Variants in CDH18 observed in about 807,000 individuals in gnomAD.
CDH18 encodes the protein cadherin 18, also known as cadherin-18.
Under a neutral mutation model 67.9 loss-of-function variants are expected in CDH18, and 31 were observed. That is an observed-to-expected ratio of 0.46 (90% CI 0.34 to 0.62). The LOEUF is 0.62. Ranked by LOEUF, CDH18 falls within the 20% of genes least tolerant of loss-of-function variation. CDH18 has a pLI of 0.01. For missense variants in CDH18, 890 were observed against 975.5 expected (o/e 0.91, Z 1.17); for synonymous variants, 362 against 347.2 (o/e 1.04, Z -0.48).
At chr5:19,903,541 GTATATATA>G (rs112818883) in intron 2 of CDH18, among the ~76,000 whole-genome samples, 89 of 124,508 alleles carry the variant, frequency 7.1e-4, no homozygotes, top group Middle Eastern at 4.2e-3. Flanking sequence ...GTGTGTGTGT[GTATATATA>G]TATATATATA....
chr5:20,401,045 G>A (rs917664956), intron 1 of CDH18, among the ~76,000 whole-genome samples: 9 of 152,052 alleles, frequency 5.9e-5, no homozygotes, highest in African/African-American at 2.2e-4. Context: ...GTAAAATTCT[G>A]AGAAAAAGAA....
intron 2 of CDH18, among the ~76,000 whole-genome samples, chr5:20,170,866 C>T (rs1736648022): frequency 6.6e-6 from 1 of 152,096 alleles, no homozygotes; most frequent in Admixed American, 6.6e-5. Flanking sequence ...CCACACTCCA[C>T]TCTCTTGTAG....
At chr5:20,450,505 T>C (rs963676479) in intron 1 of CDH18, among the ~76,000 whole-genome samples, 1 of 152,192 alleles carries the variant, frequency 6.6e-6, no homozygotes, top group African/African-American at 2.4e-5. Flanking sequence ...TGCATTGTAA[T>C]GCATTTTCTA....
chr5:19,879,224 G>C (rs1003470820), intron 2 of CDH18, among the ~76,000 whole-genome samples: 3 of 151,834 alleles, frequency 2.0e-5, no homozygotes, highest in African/African-American at 7.3e-5. Context: ...ATTTTTATGG[G>C]GTGGTAAGAA....
chr5:20,315,419 G>A (rs142849153), intron 1 of CDH18, among the ~76,000 whole-genome samples: 57 of 152,170 alleles, frequency 3.7e-4, no homozygotes, highest in African/African-American at 1.3e-3. Context: ...GAAAAAAAGT[G>A]ACATTATTGT....
intron 2 of CDH18, among the ~76,000 whole-genome samples, chr5:20,241,755 A>G (rs2940434): frequency 0.7 from 105,646 of 150,630 alleles, 37,717 homozygotes; most frequent in African/African-American, 0.85. Flanking sequence ...GGGAGGCTGA[A>G]GCAGGAGAAT....
intron 9 of CDH18, among the ~76,000 whole-genome samples, chr5:19,522,851 C>T (rs148240040): frequency 1.1e-3 from 164 of 146,170 alleles, no homozygotes; most frequent in African/African-American, 3.9e-3. Context: ...GCTGAGCTCA[C>T]GCCACTGCAC....
intron 11 of CDH18, among the ~76,000 whole-genome samples, chr5:19,484,073 G>A (rs3792727): frequency 0.24 from 36,992 of 152,064 alleles, 4,699 homozygotes; most frequent in African/African-American, 0.32. Context: ...TTTTAGACTT[G>A]GCTGTGATTT....
At chr5:19,960,613 G>A (rs1423794471) in intron 2 of CDH18, among the ~76,000 whole-genome samples, 1 of 131,480 alleles carries the variant, frequency 7.6e-6, no homozygotes, top group African/African-American at 3.5e-5. Context: ...ACACACACGT[G>A]TATATATATA....
intron 12 of CDH18, 65 bp from the exon 13 acceptor site, chr5:19,473,781 C>A (rs1234234871): frequency 7.5e-7 from 1 of 1,340,492 alleles, no homozygotes; most frequent in African/African-American, 1.5e-5. Context: ...AGAGATTTTA[C>A]AACAGCAATT....
chr5:20,564,260 T>TTTTATTTATGTATTTA (rs1758376547), intron 1 of CDH18, among the ~76,000 whole-genome samples: 1 of 141,596 alleles, frequency 7.1e-6, no homozygotes, highest in Non-Finnish European at 1.5e-5. Context: ...ATTATCACAG[T>TTTTATTTATGTATTTA]TTTATTTATT....
chr5:19,818,621 C>T (rs1165177925), intron 3 of CDH18, among the ~76,000 whole-genome samples: 1 of 152,004 alleles, frequency 6.6e-6, no homozygotes, highest in Non-Finnish European at 1.5e-5. Context: ...TTACACAAAC[C>T]GAGATGCAAT....
intron 2 of CDH18, among the ~76,000 whole-genome samples, chr5:20,110,452 G>A (rs1051064663): frequency 4.6e-5 from 7 of 152,178 alleles, no homozygotes; most frequent in African/African-American, 1.7e-4. Context: ...GGAGGCCGAG[G>A]TGGGTGGATT....
intron 2 of CDH18, among the ~76,000 whole-genome samples, chr5:20,107,182 G>A (rs190125187): frequency 6.6e-5 from 10 of 151,422 alleles, no homozygotes; most frequent in Middle Eastern, 3.4e-3. Context: ...CTGGGTTCAC[G>A]CCATTCTCCT....
rs367976186 is a variant in CDH18 at position 20,296,949 on chromosome 5, G to C, written c.-579-41444C>G. On this transcript the variant is annotated intron_variant, in intron 1 of 14. Coordinates refer to the CDH18 transcript ENST00000507958. Reference sequence around the variant, plus strand: ...AATACAGATTCTGTTACATAAATAAGTACTTAATTATTATTAACTGTAAAT... The same window carrying C: ...AATACAGATTCTGTTACATAAATAACTACTTAATTATTATTAACTGTAAAT... Among the ~76,000 whole-genome samples, 49 of 151,756 alleles carry C rather than the reference G, an allele frequency of 3.2e-4. 1 individual carries two copies. In the South Asian group the frequency reaches 9.6e-3, roughly 30 times the overall value.
intron 2 of CDH18, among the ~76,000 whole-genome samples, chr5:19,920,662 C>T (rs889846070): frequency 1.3e-5 from 2 of 151,524 alleles, no homozygotes; most frequent in African/African-American, 2.4e-5. Context: ...TACAGATGCC[C>T]GCCATCATGC....
rs1447930692 is a variant in CDH18, at chr5:20,000,358, TA to T, written c.-517-8345del. Among the ~76,000 whole-genome samples the T allele has an allele frequency of 2.0e-5, 3 of 152,042 alleles. No individual in the cohort carries two copies. The East Asian group carries it at 5.8e-4, about 29-fold the overall frequency. The stretch of plus-strand genomic sequence containing the variant: ...GAATGCCTTTAACTTAGTATAAGAA[TA>T]AAAAAGGGAAAAGTAAACAAATTGG... On this transcript the variant is annotated intron_variant, in intron 2 of 14. Coordinates refer to the CDH18 transcript ENST00000507958.
At chr5:20,327,013 C>G (rs1333364510) in intron 1 of CDH18, among the ~76,000 whole-genome samples, 5 of 152,100 alleles carry the variant, frequency 3.3e-5, no homozygotes, top group Admixed American at 6.6e-5. Flanking sequence ...GTATTTACCA[C>G]ACGGTTACAT....
intron 2 of CDH18, among the ~76,000 whole-genome samples, chr5:19,917,950 A>G (rs1382890841): frequency 3.9e-5 from 6 of 152,184 alleles, no homozygotes; most frequent in Non-Finnish European, 8.8e-5. Flanking sequence ...ATCCCTGGGT[A>G]GCTGAAGCAG....
Sources: allele counts gnomAD v4.1 joint callset (sites outside exome capture counted in the v4.1 genomes callset), GRCh38; gene constraint gnomAD v4.1.1; transcripts MANE v1.5; gene names NCBI Gene and HGNC (gene_info 2026-07-23, HGNC 2026-07-21).